Variants in PIBF1 observed in about 807,000 individuals in gnomAD.
PIBF1 encodes the protein progesterone-induced-blocking factor 1.
In PIBF1, 90 loss-of-function variants were observed where a neutral mutation model predicts 112.5. The observed-to-expected ratio is 0.80, with a 90% confidence interval of 0.67 to 0.95. The LOEUF (loss-of-function observed/expected upper bound fraction) is 0.95. Ranked by LOEUF, PIBF1 falls within the 40% of genes least tolerant of loss-of-function variation. The pLI is 0.00. For missense variants in PIBF1, 915 were observed against 852.3 expected (o/e 1.07, Z -0.92); for synonymous variants, 301 against 288.6 (o/e 1.04, Z -0.44).
intron 10 of PIBF1, among the ~76,000 whole-genome samples, chr13:72,892,242 T>A (rs1042045813): frequency 6.6e-6 from 1 of 152,114 alleles, no homozygotes; most frequent in African/African-American, 2.4e-5. Context: ...TTAATAAAAT[T>A]GTAAAAAGTT....
intron 14 of PIBF1, among the ~76,000 whole-genome samples, chr13:72,949,609 A>G (rs548841096): frequency 6.6e-6 from 1 of 152,168 alleles, no homozygotes; most frequent in Admixed American, 6.5e-5. Flanking sequence ...GAGCCACGGC[A>G]CCCAGCTAAC....
At chr13:72,803,426 G>C (rs986324099) in intron 5 of PIBF1, among the ~76,000 whole-genome samples, 1 of 151,990 alleles carries the variant, frequency 6.6e-6, no homozygotes, top group African/African-American at 2.4e-5. Flanking sequence ...TATGTTTAAG[G>C]CTCCCCACTT....
chr13:72,905,455 G>GA (rs2040671303), intron 11 of PIBF1, among the ~76,000 whole-genome samples: 1 of 151,988 alleles, frequency 6.6e-6, no homozygotes, highest in African/African-American at 2.4e-5. Flanking sequence ...TCTGATTAGT[G>GA]AAACTAATTA....
At chr13:72,906,826 A>G (rs943354898) in intron 11 of PIBF1, among the ~76,000 whole-genome samples, 1 of 152,072 alleles carries the variant, frequency 6.6e-6, no homozygotes, top group Non-Finnish European at 1.5e-5. Flanking sequence ...GAGGTGGGGT[A>G]CAAATGAAAA....
At chr13:72,854,237 G>T in intron 10 of PIBF1, 82 bp downstream of exon 10, 1 of 873,306 alleles carries the variant, frequency 1.1e-6, no homozygotes, top group South Asian at 1.7e-5. Flanking sequence ...GTATTTTAAG[G>T]AGAGAATAAT....
chr13:72,911,652 A>G (rs2040898124), intron 12 of PIBF1, among the ~76,000 whole-genome samples: 2 of 152,192 alleles, frequency 1.3e-5, no homozygotes, highest in South Asian at 4.1e-4. Flanking sequence ...CTGTTCTTCA[A>G]AAGACACCAT....
intron 12 of PIBF1, among the ~76,000 whole-genome samples, chr13:72,913,198 G>T (rs150216804): frequency 6.6e-6 from 1 of 152,062 alleles, no homozygotes; most frequent in Admixed American, 6.6e-5. Flanking sequence ...GATAGGGTTT[G>T]TGTTAAACAC....
chr13:72,841,926 A>G (rs1340412426), intron 9 of PIBF1, among the ~76,000 whole-genome samples: 2 of 152,240 alleles, frequency 1.3e-5, no homozygotes, highest in African/African-American at 2.4e-5. Flanking sequence ...AAATATTTTC[A>G]TCTGTTATGT....
intron 14 of PIBF1, among the ~76,000 whole-genome samples, chr13:72,953,890 C>T (rs954791503): frequency 3.9e-5 from 6 of 152,030 alleles, no homozygotes; most frequent in South Asian, 2.1e-4. Flanking sequence ...AGGCAATGGG[C>T]GGGGCTATGG....
At chr13:72,848,800 C>T (rs190920549) in intron 9 of PIBF1, among the ~76,000 whole-genome samples, 4 of 151,610 alleles carry the variant, frequency 2.6e-5, no homozygotes, top group Non-Finnish European at 5.9e-5. Flanking sequence ...CCACTGCACT[C>T]CAGCTTGGGT....
intron 13 of PIBF1, among the ~76,000 whole-genome samples, chr13:72,920,304 G>C (rs1457419542): frequency 6.6e-6 from 1 of 152,206 alleles, no homozygotes; most frequent in African/African-American, 2.4e-5. Context: ...TGGTGAGCCA[G>C]AGGGTTATTT....
At chr13:72,818,226 GCTT>G (rs1180141978) in intron 5 of PIBF1, among the ~76,000 whole-genome samples, 2 of 152,086 alleles carry the variant, frequency 1.3e-5, no homozygotes, top group Non-Finnish European at 2.9e-5. Context: ...AGAAAACACT[GCTT>G]CTTTGGAACT....
chr13:73,007,324 T>C (rs1372024829), intron 17 of PIBF1, among the ~76,000 whole-genome samples: 1 of 145,090 alleles, frequency 6.9e-6, no homozygotes, highest in Non-Finnish European at 1.5e-5. Flanking sequence ...TGAGATGGAG[T>C]CTCACTCTGT....
At chr13:72,858,136 C>T (rs1437826434) in intron 10 of PIBF1, among the ~76,000 whole-genome samples, 1 of 151,906 alleles carries the variant, frequency 6.6e-6, no homozygotes, top group Non-Finnish European at 1.5e-5. Context: ...GCTGCAGCCT[C>T]TGCCTCCCGG....
Position 72,902,892 on chromosome 13 carries a change from GAAAT to G in PIBF1, c.1489-5634_1489-5631del, listed in dbSNP as rs2040550094. Among the ~76,000 whole-genome samples, 23 of 150,962 alleles carry G rather than the reference GAAAT, an allele frequency of 1.5e-4. 1 individual carries two copies. The South Asian group carries it at 4.8e-3, about 32-fold the overall frequency. On this transcript the variant is annotated intron_variant, in intron 11 of 17. Coordinates refer to ENST00000326291, the MANE Select transcript of PIBF1 (RefSeq NM_006346.4). ...AATATACATAGAAAAACATTTGAAG[GAAAT>G]AAATCTTTTTTTTTTTTTTGAGACA... is the stretch of plus-strand genomic sequence containing the variant.
intron 5 of PIBF1, among the ~76,000 whole-genome samples, chr13:72,800,632 C>T (rs189516830): frequency 7.8e-4 from 119 of 152,250 alleles, no homozygotes; most frequent in East Asian, 1.5e-3. Flanking sequence ...AATGTGTATC[C>T]TGCATTTACT....
intron 9 of PIBF1, among the ~76,000 whole-genome samples, chr13:72,838,474 G>T (rs1026819117): frequency 1.3e-5 from 2 of 152,126 alleles, no homozygotes; most frequent in African/African-American, 4.8e-5. Context: ...CGCAAATCAG[G>T]CAGCTTCCAG....
intron 9 of PIBF1, among the ~76,000 whole-genome samples, chr13:72,837,915 A>G (rs1055424046): frequency 6.6e-6 from 1 of 152,198 alleles, no homozygotes; most frequent in African/African-American, 2.4e-5. Context: ...TTAGGGCAGC[A>G]GAGTTATTAA....
At chr13:73,010,808 T>C (rs145123794) in intron 17 of PIBF1, among the ~76,000 whole-genome samples, 89 of 120,820 alleles carry the variant, frequency 7.4e-4, no homozygotes, top group East Asian at 1.3e-3. Context: ...TCATTAACTT[T>C]TCTTTTTTTT....
Sources: gnomAD v4.1 joint callset for allele counts (sites outside exome capture counted in the v4.1 genomes callset) on GRCh38, gnomAD v4.1.1 for gene constraint, MANE v1.5 for transcripts, NCBI Gene and HGNC (gene_info 2026-07-23, HGNC 2026-07-21) for gene names.